Variants in MACROD2 observed in about 807,000 individuals in gnomAD.
MACROD2 encodes the protein ADP-ribose glycohydrolase MACROD2.
Under a neutral mutation model 70.4 loss-of-function variants are expected in MACROD2, and 36 were observed. The ratio of observed to expected loss-of-function variants is 0.51; its 90% CI spans 0.39 to 0.68. The LOEUF (loss-of-function observed/expected upper bound fraction) is 0.68. Among genes scored for constraint, MACROD2 ranks in the 30% least tolerant of loss-of-function variants. MACROD2 has a pLI of 0.00. For missense variants in MACROD2, 496 were observed against 538.4 expected, an observed-to-expected ratio of 0.92 and a Z score of 0.78; for synonymous variants, 172 against 178.8, an observed-to-expected ratio of 0.96 and a Z score of 0.30.
At chr20:14,138,528 T>A (rs1457040472) in intron 3 of MACROD2, among the ~76,000 whole-genome samples, 1 of 152,120 alleles carries the variant, frequency 6.6e-6, no homozygotes, top group Non-Finnish European at 1.5e-5. Context: ...AGGATCTCAT[T>A]TATATGTGGA....
At chr20:14,717,885 A>T (rs2071414668) in intron 5 of MACROD2, among the ~76,000 whole-genome samples, 2 of 152,168 alleles carry the variant, frequency 1.3e-5, no homozygotes, top group African/African-American at 4.8e-5. Context: ...AAGGAGGCAG[A>T]TAGATAAAGT....
chr20:14,284,331 G>C (rs2082328183), intron 3 of MACROD2, among the ~76,000 whole-genome samples: 1 of 152,098 alleles, frequency 6.6e-6, no homozygotes. Flanking sequence ...TTAAAACTCA[G>C]GGTTCAAAAT....
chr20:15,360,824 T>C (rs6110578), intron 6 of MACROD2, among the ~76,000 whole-genome samples: 26,091 of 151,980 alleles, frequency 0.17, 2,650 homozygotes, highest in East Asian at 0.47. Context: ...ACAGTTTTTT[T>C]TTCGTGTGTT....
chr20:14,322,607 A>G (rs989570234), intron 3 of MACROD2, among the ~76,000 whole-genome samples: 1 of 152,180 alleles, frequency 6.6e-6, no homozygotes, highest in African/African-American at 2.4e-5. Flanking sequence ...GAAAACAACC[A>G]TAATGGGAAG....
At position 15,828,426 on chromosome 20, in the gene MACROD2, C is replaced by T. The variant is rs537012779; in HGVS notation, c.646-34319C>T. Reference sequence around the variant, plus strand: ...TATGTTCCAGAAACACCACTGCCTCCCCTCAAAATGATCAGATTCTACTCT... The same window carrying T: ...TATGTTCCAGAAACACCACTGCCTCTCCTCAAAATGATCAGATTCTACTCT... On this transcript the variant is annotated intron_variant, in intron 8 of 17. Coordinates refer to ENST00000684519, the MANE Select transcript of MACROD2 (RefSeq NM_001351661.2). Among the ~76,000 whole-genome samples the T allele has an allele frequency of 3.3e-5, 5 of 152,228 alleles. No individual in the cohort carries two copies. In the South Asian group the frequency reaches 1.0e-3, roughly 32 times the overall value.
chr20:15,332,539 A>G (rs2078003801), intron 6 of MACROD2, among the ~76,000 whole-genome samples: 1 of 151,692 alleles, frequency 6.6e-6, no homozygotes, highest in Admixed American at 6.6e-5. Flanking sequence ...TGGGATTCCT[A>G]ATACAAATGT....
intron 8 of MACROD2, among the ~76,000 whole-genome samples, chr20:15,602,871 G>A (rs16996107): frequency 0.039 from 5,887 of 152,002 alleles, 178 homozygotes; most frequent in African/African-American, 0.081. Context: ...TCTACTAATG[G>A]CTACCCTTTG....
chr20:15,410,747 TGCAAGCAC>T (rs1436218115), intron 6 of MACROD2, among the ~76,000 whole-genome samples: 1 of 152,132 alleles, frequency 6.6e-6, no homozygotes, highest in East Asian at 1.9e-4. Flanking sequence ...TTCCTCCATC[TGCAAGCAC>T]GCTTGCAGGA....
At chr20:15,410,749 C>G (rs1395264427) in intron 6 of MACROD2, among the ~76,000 whole-genome samples, 1 of 152,022 alleles carries the variant, frequency 6.6e-6, no homozygotes, top group African/African-American at 2.4e-5. Context: ...CCTCCATCTG[C>G]AAGCACGCTT....
intron 3 of MACROD2, among the ~76,000 whole-genome samples, chr20:14,423,475 G>A (rs1265341841): frequency 2.6e-5 from 4 of 151,636 alleles, no homozygotes; most frequent in Admixed American, 1.3e-4. Context: ...CGAGGGGGGC[G>A]GATCACGAGG....
intron 6 of MACROD2, among the ~76,000 whole-genome samples, chr20:15,417,531 C>G (rs993812083): frequency 2.3e-5 from 3 of 133,234 alleles, no homozygotes; most frequent in African/African-American, 8.5e-5. Flanking sequence ...TCCCAGCAGT[C>G]AAAGCTGCAG....
chr20:14,822,735 C>T (rs902263140), intron 5 of MACROD2, among the ~76,000 whole-genome samples: 1 of 152,060 alleles, frequency 6.6e-6, no homozygotes, highest in Non-Finnish European at 1.5e-5. Context: ...CAATTTTCCT[C>T]TGAAAAATAA....
In MACROD2 at chr20:15,246,084, G is replaced by A. The variant is rs1445662509; in HGVS notation, c.540+16023G>A. On this transcript the variant is annotated intron_variant, in intron 6 of 17. Transcript: ENST00000684519. ...GAATCATGTCCTAAAACAATCTAAAGAACTACAGACACATATGCCTTTAAT... is the reference window on the plus strand; with the variant it reads ...GAATCATGTCCTAAAACAATCTAAAAAACTACAGACACATATGCCTTTAAT... Among the ~76,000 whole-genome samples, 3 of 152,154 alleles carry A rather than the reference G, an allele frequency of 2.0e-5. No homozygotes were observed. In the East Asian group the frequency reaches 5.8e-4, roughly 29 times the overall value.
At chr20:15,758,547 T>C (rs1162464660) in intron 8 of MACROD2, among the ~76,000 whole-genome samples, 1 of 149,342 alleles carries the variant, frequency 6.7e-6, no homozygotes, top group Non-Finnish European at 1.5e-5. Flanking sequence ...GTCTTTTTTT[T>C]TTTTTTTTAA....
intron 3 of MACROD2, among the ~76,000 whole-genome samples, chr20:14,290,440 C>A (rs1418042065): frequency 2.0e-5 from 3 of 151,928 alleles, no homozygotes; most frequent in Non-Finnish European, 4.4e-5. Flanking sequence ...CCTACCTGAG[C>A]ACCCAGGCCA....
chr20:15,327,006 A>G (rs1285897983), intron 6 of MACROD2, among the ~76,000 whole-genome samples: 1 of 152,192 alleles, frequency 6.6e-6, no homozygotes, highest in Non-Finnish European at 1.5e-5. Flanking sequence ...AACAAAATAC[A>G]GATTAATAAG....
At chr20:15,776,088 G>A (rs530302939) in intron 8 of MACROD2, among the ~76,000 whole-genome samples, 3 of 152,184 alleles carry the variant, frequency 2.0e-5, no homozygotes, top group African/African-American at 2.4e-5. Flanking sequence ...GAAGTTTTTG[G>A]CAATGCTTCA....
intron 4 of MACROD2, among the ~76,000 whole-genome samples, chr20:14,632,267 A>T (rs1054498288): frequency 8.5e-5 from 13 of 152,168 alleles, no homozygotes; most frequent in African/African-American, 3.1e-4. Flanking sequence ...GATATTTAGA[A>T]TTTAATTTAA....
At chr20:14,938,713 G>A (rs946966369) in intron 5 of MACROD2, among the ~76,000 whole-genome samples, 23 of 152,016 alleles carry the variant, frequency 1.5e-4, no homozygotes, top group African/African-American at 3.4e-4. Flanking sequence ...CCCAAGAGGC[G>A]GAGTTTGCAG....
Sources: allele counts gnomAD v4.1 joint callset (sites outside exome capture counted in the v4.1 genomes callset), GRCh38; gene constraint gnomAD v4.1.1; transcripts MANE v1.5; gene names NCBI Gene and HGNC (gene_info 2026-07-23, HGNC 2026-07-21).